Variants in ARK2C observed in about 807,000 individuals in gnomAD.
ARK2C encodes E3 ubiquitin-protein ligase ARK2C.
the ARK2C span, among the ~76,000 whole-genome samples, chr18:46,344,784 T>C: frequency 1.3e-5 from 2 of 152,202 alleles, no homozygotes; most frequent in Admixed American, 1.3e-4. Flanking sequence ...AAAGAACTGG[T>C]CCTCGCATGG....
the ARK2C span, among the ~76,000 whole-genome samples, chr18:46,424,456 C>T: frequency 1.3e-5 from 2 of 152,168 alleles, no homozygotes; most frequent in African/African-American, 4.8e-5. Flanking sequence ...CGAAGGTCAG[C>T]GCTGGTCCTT....
chr18:46,409,406 G>A, the ARK2C span, among the ~76,000 whole-genome samples: 16 of 152,334 alleles, frequency 1.1e-4, no homozygotes, highest in African/African-American at 3.4e-4. Flanking sequence ...GCAGGTAAAC[G>A]GTGGTGGTGA....
the ARK2C span, among the ~76,000 whole-genome samples, chr18:46,355,132 T>C: frequency 3.3e-4 from 50 of 152,124 alleles, no homozygotes; most frequent in African/African-American, 9.9e-4. Flanking sequence ...GTTTTTTTTT[T>C]AGTAGAGACA....
At chr18:46,435,341 G>A in the ARK2C span, 3 of 1,614,164 alleles carry the variant, frequency 1.9e-6, no homozygotes, top group East Asian at 2.2e-5. Flanking sequence ...TCCCAGCTTC[G>A]ACTTCGGCCA....
At chr18:46,360,940 C>T in the ARK2C span, among the ~76,000 whole-genome samples, 4 of 152,234 alleles carry the variant, frequency 2.6e-5, no homozygotes, top group Non-Finnish European at 5.9e-5. Flanking sequence ...CTTTCCATAG[C>T]TGTCCCAAGC....
chr18:46,337,401 C>G, the ARK2C span: 3 of 985,298 alleles, frequency 3.0e-6, no homozygotes, highest in Non-Finnish European at 2.4e-6. Flanking sequence ...AAAGCATGAT[C>G]TGTATTTTTT....
At chr18:46,431,068 G>A in the ARK2C span, among the ~76,000 whole-genome samples, 1 of 151,942 alleles carries the variant, frequency 6.6e-6, no homozygotes. Context: ...GACAGGCCCC[G>A]GTGTGTGATG....
the ARK2C span, among the ~76,000 whole-genome samples, chr18:46,396,653 G>A: frequency 6.6e-6 from 1 of 152,232 alleles, no homozygotes; most frequent in Non-Finnish European, 1.5e-5. Flanking sequence ...ATCCAAGGGA[G>A]TCAGAGATTT....
chr18:46,344,825 G>T, the ARK2C span, among the ~76,000 whole-genome samples: 6 of 152,246 alleles, frequency 3.9e-5, no homozygotes, highest in Non-Finnish European at 7.3e-5. Flanking sequence ...CAACCTCTGT[G>T]CTGAGGAGAG....
At chr18:46,450,363 C>G in the ARK2C span, 1 of 1,614,026 alleles carries the variant, frequency 6.2e-7, no homozygotes, top group Non-Finnish European at 8.5e-7. Context: ...GGACTAAATC[C>G]CAGCAGACAC....
chr18:46,336,413 C>T, the ARK2C span: 1 of 985,278 alleles, frequency 1.0e-6, no homozygotes, highest in Non-Finnish European at 1.2e-6. Context: ...ACAAATTCTG[C>T]CCATCAGTTA....
At chr18:46,437,689 CCT>C in the ARK2C span, among the ~76,000 whole-genome samples, 4 of 152,198 alleles carry the variant, frequency 2.6e-5, no homozygotes, top group South Asian at 2.1e-4. Flanking sequence ...ATCCCAAACC[CCT>C]CTCTTTCTTG....
the ARK2C span, chr18:46,336,296 G>A: frequency 2.0e-6 from 2 of 985,308 alleles, no homozygotes; most frequent in Non-Finnish European, 2.4e-6. Flanking sequence ...TACCATTGCA[G>A]GATGCTGATT....
the ARK2C span, among the ~76,000 whole-genome samples, chr18:46,406,177 A>G: frequency 2.0e-5 from 3 of 152,118 alleles, no homozygotes; most frequent in African/African-American, 7.2e-5. Flanking sequence ...TGCACCCCCA[A>G]TACGCCTGCA....
chr18:46,398,313 G>A, the ARK2C span, among the ~76,000 whole-genome samples: 918 of 151,846 alleles, frequency 6.0e-3, 6 homozygotes, highest in Non-Finnish European at 0.011. Context: ...GAGGCCGCAG[G>A]GCAGGAAGAA....
At chr18:46,456,439 G>A in the ARK2C span, 4 of 1,001,766 alleles carry the variant, frequency 4.0e-6, no homozygotes, top group Non-Finnish European at 1.6e-6. Flanking sequence ...AGTTCCCCAG[G>A]AGTCCTAGGT....
the ARK2C span, among the ~76,000 whole-genome samples, chr18:46,383,052 G>A: frequency 3.6e-4 from 55 of 152,354 alleles, no homozygotes; most frequent in East Asian, 0.01. Context: ...CCAGATCATG[G>A]CATCCATCTC....
the ARK2C span, among the ~76,000 whole-genome samples, chr18:46,345,361 G>C: frequency 0.67 from 100,584 of 150,046 alleles, 33,400 homozygotes; most frequent in East Asian, 0.76. Flanking sequence ...GGGAGAGAAG[G>C]CCAGATGACA....
chr18:46,444,121 T>G, the ARK2C span, among the ~76,000 whole-genome samples: 1 of 152,142 alleles, frequency 6.6e-6, no homozygotes, highest in Non-Finnish European at 1.5e-5. Context: ...AATCTATGAT[T>G]GTTCTTACCT....
Sources: gnomAD v4.1 joint callset for allele counts (sites outside exome capture counted in the v4.1 genomes callset) on GRCh38, gnomAD v4.1.1 for gene constraint, MANE v1.5 for transcripts, NCBI Gene and HGNC (gene_info 2026-07-23, HGNC 2026-07-21) for gene names.